The following NALCN variants were observed in gnomAD, a reference collection of about 807,000 sequenced individuals.
NALCN encodes sodium leak channel, non-selective.
NALCN carries 111 observed loss-of-function variants against 225.3 expected under a neutral mutation model. The observed-to-expected ratio is 0.49, with a 90% CI of 0.42 to 0.58. NALCN has a LOEUF of 0.58. Among genes scored for constraint, NALCN ranks in the 20% least tolerant of loss-of-function variants. The probability of loss-of-function intolerance (pLI) is 0.00; values close to 1 mark genes in which losing one functional copy is unlikely to be tolerated. For missense variants in NALCN, 1,378 were observed against 2,202.4 expected (o/e 0.63, Z 7.49); for synonymous variants, 764 against 769.0 (o/e 0.99, Z 0.11).
rs1463315083 is a variant in NALCN, at chr13:101,237,866, T to A, written c.1323A>T (p.Gly441=). ...LEALLKIWCL[G]FTGYISSSLH... is the part of the protein sequence containing the mutation. ...GAGATGAGCTAATATATCCAGTAAATCCCAAACACCATATCTTCAGAAGTG... is the reference window on the plus strand; with the variant it reads ...GAGATGAGCTAATATATCCAGTAAAACCCAAACACCATATCTTCAGAAGTG... The change falls in exon 12 of 44, where the codon GGA becomes GGT. Residue 441 remains glycine (G), a synonymous_variant. Coordinates refer to ENST00000251127, the MANE Select transcript of NALCN (RefSeq NM_052867.4). 2.5e-6 allele frequency: 4 copies of A among 1,605,700 alleles called. No homozygotes were observed. The highest frequency in any genetic ancestry group is 2.6e-6 in the Non-Finnish European group (3 of 1,176,404).
At chr13:101,107,928 T>G in intron 20 of NALCN, 139 bp from the exon 21 acceptor site, 1 of 280,086 alleles carries the variant, frequency 3.6e-6, no homozygotes, top group Non-Finnish European at 6.3e-6. Context: ...CTGTTAAACA[T>G]ATATTTATAT....
chr13:101,371,643 G>A (rs192600272), intron 6 of NALCN, among the ~76,000 whole-genome samples: 92 of 152,220 alleles, frequency 6.0e-4, no homozygotes, highest in African/African-American at 2.0e-3. Context: ...TGTATGCCAC[G>A]CACTGATGCA....
chr13:101,196,870 C>A (rs917044773), intron 13 of NALCN, among the ~76,000 whole-genome samples: 1 of 152,092 alleles, frequency 6.6e-6, no homozygotes, highest in Non-Finnish European at 1.5e-5. Context: ...TCTGTATGGG[C>A]GAATAGGACA....
At chr13:101,351,344 T>A (rs962809345) in intron 6 of NALCN, among the ~76,000 whole-genome samples, 1 of 152,212 alleles carries the variant, frequency 6.6e-6, no homozygotes, top group Non-Finnish European at 1.5e-5. Flanking sequence ...ATTGTTTTTT[T>A]AAAAGCCTTC....
At chr13:101,233,094 G>T (rs994844366) in intron 12 of NALCN, among the ~76,000 whole-genome samples, 2 of 152,084 alleles carry the variant, frequency 1.3e-5, no homozygotes, top group African/African-American at 2.4e-5. Flanking sequence ...TTTATTCAGG[G>T]ATCAGCAGGT....
intron 15 of NALCN, among the ~76,000 whole-genome samples, chr13:101,172,038 T>C (rs923256212): frequency 6.6e-6 from 1 of 152,168 alleles, no homozygotes; most frequent in Non-Finnish European, 1.5e-5. Flanking sequence ...AATGCACAAT[T>C]CTCTTCCAGC....
At chr13:101,167,134 G>C (rs547667707) in intron 15 of NALCN, among the ~76,000 whole-genome samples, 2 of 152,262 alleles carry the variant, frequency 1.3e-5, no homozygotes, top group South Asian at 4.1e-4. Flanking sequence ...AATATGTTTT[G>C]AAATCAGGAA....
chr13:101,313,558 A>G (rs1042485232), intron 7 of NALCN, among the ~76,000 whole-genome samples: 3 of 152,216 alleles, frequency 2.0e-5, no homozygotes, highest in Non-Finnish European at 2.9e-5. Flanking sequence ...TGCAGCCAAA[A>G]AACACATGAA....
intron 42 of NALCN, chr13:101,058,424 GGGCAGT>G: frequency 6.1e-6 from 1 of 163,292 alleles, no homozygotes; most frequent in South Asian, 1.5e-4. Flanking sequence ...GGCTGGGCGG[GGGCAGT>G]CTACTGTCAC....
intron 37 of NALCN, among the ~76,000 whole-genome samples, chr13:101,070,993 A>G (rs1448437336): frequency 6.6e-6 from 1 of 152,162 alleles, no homozygotes; most frequent in Non-Finnish European, 1.5e-5. Context: ...AATGGGGGGA[A>G]AAACCTCTTA....
At chr13:101,302,784 A>G (rs1188499610) in intron 7 of NALCN, among the ~76,000 whole-genome samples, 1 of 152,182 alleles carries the variant, frequency 6.6e-6, no homozygotes, top group Non-Finnish European at 1.5e-5. Context: ...TACATATGTG[A>G]ATAAAAATAT....
chr13:101,144,968 T>C lies in NALCN; in HGVS notation c.1840-72A>G, dbSNP rs1594301237. Reference sequence around the variant, plus strand: ...TATTATATACGTTACACAAAATTAGTTTTAGAATGGAAGCAATAAGTAATT... The same window carrying C: ...TATTATATACGTTACACAAAATTAGCTTTAGAATGGAAGCAATAAGTAATT... On this transcript the variant is annotated intron_variant, in intron 15 of 43. Coordinates refer to ENST00000251127, the MANE Select transcript of NALCN (RefSeq NM_052867.4). The C allele has an allele frequency of 3.4e-6, 5 of 1,461,464 alleles. No individual in the cohort carries two copies. In the East Asian group the frequency reaches 1.2e-4, roughly 35 times the overall value. 90.5% of individuals were successfully genotyped at this position (1,461,464 alleles called of 1,614,324 possible).
At chr13:101,193,332 C>T (rs1318465899) in intron 13 of NALCN, among the ~76,000 whole-genome samples, 1 of 152,070 alleles carries the variant, frequency 6.6e-6, no homozygotes. Context: ...TGATCTTAGC[C>T]AAAAGGCTGA....
At chr13:101,276,133 C>A (rs551618655) in intron 10 of NALCN, among the ~76,000 whole-genome samples, 2 of 144,786 alleles carry the variant, frequency 1.4e-5, no homozygotes, top group East Asian at 4.2e-4. Flanking sequence ...AGCACATCAG[C>A]AATGCACAGA....
At chr13:101,399,892 T>C (rs1044224514) in intron 1 of NALCN, among the ~76,000 whole-genome samples, 11 of 152,072 alleles carry the variant, frequency 7.2e-5, no homozygotes, top group Admixed American at 7.2e-4. Flanking sequence ...CTTCCACAAC[T>C]CAGCAGTCAC....
chr13:101,367,367 A>G (rs1301976079), intron 6 of NALCN, among the ~76,000 whole-genome samples: 1 of 152,030 alleles, frequency 6.6e-6, no homozygotes, highest in Non-Finnish European at 1.5e-5. Flanking sequence ...AAAGACTATA[A>G]AACTCACATT....
chr13:101,314,746 A>G (rs907225004), intron 7 of NALCN, among the ~76,000 whole-genome samples: 3 of 152,202 alleles, frequency 2.0e-5, no homozygotes, highest in African/African-American at 7.2e-5. Context: ...CCTCCCACTA[A>G]TAAGGCTTTG....
At chr13:101,196,013 T>C (rs777590247) in intron 13 of NALCN, among the ~76,000 whole-genome samples, 6 of 152,198 alleles carry the variant, frequency 3.9e-5, no homozygotes, top group South Asian at 4.1e-4. Flanking sequence ...AAAACATTGC[T>C]CACTCTTGGG....
rs755239269 is a variant in NALCN, at chr13:101,055,258, T to C, written c.*37A>G. 1.3e-5 allele frequency: 21 copies of C among 1,556,236 alleles called. No homozygotes were observed. The highest frequency in any genetic ancestry group is 1.4e-5 in the African/African-American group (1 of 73,660). ...AATCAAGGACATTATTAGAAAACGG[T>C]TTCCACCACTAGAAATTCATCTACA... On this transcript the variant is annotated 3_prime_UTR_variant, in exon 44 of 44. Transcript: ENST00000251127.
Sources: allele counts gnomAD v4.1 joint callset (sites outside exome capture counted in the v4.1 genomes callset), GRCh38; gene constraint gnomAD v4.1.1; transcripts MANE v1.5; gene names NCBI Gene and HGNC (gene_info 2026-07-23, HGNC 2026-07-21).